SIPA1L1: variants seen among roughly 807,000 people sequenced by gnomAD.
SIPA1L1 encodes the protein signal induced proliferation associated 1 like 1, also known as signal-induced proliferation-associated 1-like protein 1.
In SIPA1L1, 26 loss-of-function variants were observed where a neutral mutation model predicts 162.7. The observed-to-expected ratio is 0.16, with a 90% confidence interval of 0.12 to 0.22. The LOEUF (loss-of-function observed/expected upper bound fraction) is 0.22, where lower values mean the gene tolerates loss of function less well. Among genes scored for constraint, SIPA1L1 ranks in the 10% least tolerant of loss-of-function variants. SIPA1L1 has a pLI of 1.00. For missense variants in SIPA1L1, 1,874 were observed against 2,241.0 expected (o/e 0.84, Z 3.31); for synonymous variants, 829 against 837.4 (o/e 0.99, Z 0.17).
rs893570103 is a variant in SIPA1L1, at chr14:71,658,281, A to G, written c.1994-52A>G. 21 of 888,298 alleles carry G rather than the reference A, an allele frequency of 2.4e-5. No homozygotes were observed. The Middle Eastern group carries it at 8.8e-4, about 37-fold the overall frequency. 55.0% of individuals were successfully genotyped at this position (888,298 alleles called of 1,614,324 possible). ...TTTTTTGAGATATTTCTCTTAAATA[A>G]ATTATTTTTCCTGTTATAGTCATCT... On this transcript the variant is annotated intron_variant, in intron 8 of 23. Coordinates refer to ENST00000381232, the MANE Select transcript of SIPA1L1 (RefSeq NM_001386936.1).
chr14:71,606,110 C>G (rs1301242008), intron 5 of SIPA1L1, among the ~76,000 whole-genome samples: 1 of 152,140 alleles, frequency 6.6e-6, no homozygotes, highest in Non-Finnish European at 1.5e-5. Context: ...TGGAAGATTG[C>G]TCAGGTGGGG....
intron 2 of SIPA1L1, among the ~76,000 whole-genome samples, chr14:71,364,004 A>G (rs2038046827): frequency 6.6e-6 from 1 of 152,224 alleles, no homozygotes; most frequent in African/African-American, 2.4e-5. Context: ...TCTTGGTCTC[A>G]GAAACCTTTT....
At chr14:71,583,881 G>A in intron 4 of SIPA1L1, among the ~76,000 whole-genome samples, 1 of 152,106 alleles carries the variant, frequency 6.6e-6, no homozygotes, top group East Asian at 1.9e-4. Flanking sequence ...AACAGACAGA[G>A]TACTGGTTGC....
chr14:71,481,047 G>A (rs767140274), intron 2 of SIPA1L1, among the ~76,000 whole-genome samples: 3 of 152,150 alleles, frequency 2.0e-5, no homozygotes, highest in South Asian at 2.1e-4. Context: ...TGTTTACCTT[G>A]TGGTTCTCAT....
intron 10 of SIPA1L1, among the ~76,000 whole-genome samples, chr14:71,669,699 C>A (rs555243801): frequency 1.3e-5 from 2 of 152,232 alleles, no homozygotes; most frequent in East Asian, 3.9e-4. Flanking sequence ...TCTGAATTCT[C>A]TCCTCCAGTT....
chr14:71,662,725 CTG>C (rs1380746780), intron 10 of SIPA1L1, among the ~76,000 whole-genome samples: 1 of 152,206 alleles, frequency 6.6e-6, no homozygotes, highest in Non-Finnish European at 1.5e-5. Flanking sequence ...CCAGGGAGGT[CTG>C]TAGTTTCCTA....
chr14:71,541,884 A>G (rs1407541212), intron 4 of SIPA1L1, among the ~76,000 whole-genome samples: 1 of 152,182 alleles, frequency 6.6e-6, no homozygotes, highest in Non-Finnish European at 1.5e-5. Flanking sequence ...TATTGTAGCC[A>G]TTGCACAGTA....
intron 2 of SIPA1L1, among the ~76,000 whole-genome samples, chr14:71,391,522 T>C (rs1163736567): frequency 6.6e-6 from 1 of 152,234 alleles, no homozygotes; most frequent in East Asian, 1.9e-4. Flanking sequence ...ATGCTGCTTA[T>C]GAGAACAGTT....
chr14:71,416,720 TACACACACACACACACACAC>T (rs3085177), intron 2 of SIPA1L1, among the ~76,000 whole-genome samples: 8 of 147,738 alleles, frequency 5.4e-5, no homozygotes, highest in Non-Finnish European at 1.0e-4. Context: ...AAGAAAAATC[TACACACACACACACACACAC>T]ACACACACAC....
chr14:71,331,299 T>C (rs948751931), intron 2 of SIPA1L1, among the ~76,000 whole-genome samples: 1 of 152,240 alleles, frequency 6.6e-6, no homozygotes, highest in African/African-American at 2.4e-5. Flanking sequence ...TGATTGGTAA[T>C]ATGTTCTGAA....
intron 4 of SIPA1L1, among the ~76,000 whole-genome samples, chr14:71,575,388 G>A (rs1161274664): frequency 6.6e-6 from 1 of 152,150 alleles, no homozygotes; most frequent in Non-Finnish European, 1.5e-5. Context: ...ATTGGGACAT[G>A]TAGAAGAAGA....
intron 2 of SIPA1L1, among the ~76,000 whole-genome samples, chr14:71,486,056 A>G (rs916896938): frequency 9.9e-5 from 15 of 152,232 alleles, no homozygotes; most frequent in African/African-American, 3.6e-4. Flanking sequence ...AAACATTGGA[A>G]AACATTTATT....
chr14:71,404,692 C>T (rs947417195), intron 2 of SIPA1L1, among the ~76,000 whole-genome samples: 1 of 152,194 alleles, frequency 6.6e-6, no homozygotes, highest in African/African-American at 2.4e-5. Context: ...TGTTACAGGC[C>T]TTGAATTACA....
intron 13 of SIPA1L1, among the ~76,000 whole-genome samples, chr14:71,697,453 C>G (rs2081731639): frequency 1.3e-5 from 2 of 152,036 alleles, no homozygotes; most frequent in Admixed American, 1.3e-4. Flanking sequence ...CTTGCAGTCA[C>G]AAGTTGTCCT....
intron 4 of SIPA1L1, among the ~76,000 whole-genome samples, chr14:71,543,701 CTT>C (rs561910140): frequency 1.0e-4 from 13 of 126,358 alleles, no homozygotes; most frequent in East Asian, 2.4e-4. Flanking sequence ...TAACTTTTTT[CTT>C]TTTTTTTTTT....
intron 5 of SIPA1L1, among the ~76,000 whole-genome samples, chr14:71,602,002 CA>C (rs993587382): frequency 6.8e-6 from 1 of 146,328 alleles, no homozygotes. Flanking sequence ...TTTGTCTTTT[CA>C]AAAAAAACAA....
rs373628295 is a variant in SIPA1L1, at chr14:71,624,923, A to T, written c.1818+687A>T. Among the ~76,000 whole-genome samples, 31 of 152,296 alleles carry T rather than the reference A, an allele frequency of 2.0e-4. 1 individual carries two copies. The highest frequency in any genetic ancestry group is 1.9e-3 in the East Asian group (10 of 5,190). ...TTCACATTCTGCTTAGAGTAATTTG[A>T]GCATATGGGCCAATTTTATAGATAA... is the stretch of plus-strand genomic sequence containing the variant. On this transcript the variant is annotated intron_variant, in intron 7 of 23. Transcript: ENST00000381232.
chr14:71,405,750 A>C (rs1458631624), intron 2 of SIPA1L1, among the ~76,000 whole-genome samples: 1 of 152,190 alleles, frequency 6.6e-6, no homozygotes, highest in African/African-American at 2.4e-5. Flanking sequence ...GGCTACTGCT[A>C]CTGCTGTAAT....
chr14:71,600,235 T>C (rs1263097651), intron 5 of SIPA1L1, among the ~76,000 whole-genome samples: 1 of 152,164 alleles, frequency 6.6e-6, no homozygotes, highest in African/African-American at 2.4e-5. Context: ...CTAGTAGCCT[T>C]ATAGTTTCAG....
Sources: gnomAD v4.1 joint callset for allele counts (sites outside exome capture counted in the v4.1 genomes callset) on GRCh38, gnomAD v4.1.1 for gene constraint, MANE v1.5 for transcripts, NCBI Gene and HGNC (gene_info 2026-07-23, HGNC 2026-07-21) for gene names.